Variants in PRPF40B observed in about 807,000 individuals in gnomAD.
PRPF40B encodes the protein pre-mRNA-processing factor 40 homolog B.
In PRPF40B, 56 loss-of-function variants were observed where a neutral mutation model predicts 124.5. The ratio of observed to expected loss-of-function variants is 0.45; its 90% CI spans 0.36 to 0.56. PRPF40B has a LOEUF of 0.56. Ranked by LOEUF, PRPF40B falls within the 20% of genes least tolerant of loss-of-function variation. PRPF40B has a pLI of 0.00. For synonymous variants in PRPF40B, 443 were observed against 426.4 expected (o/e 1.04, Z -0.48); for missense variants, 1,053 against 1,169.5 (o/e 0.90, Z 1.45).
At position 49,642,193 on chromosome 12, in the gene PRPF40B, A is replaced by G. The variant is rs772077896; in HGVS notation, c.1885-42A>G. 1.2e-6 allele frequency: 2 copies of G among 1,613,552 alleles called. No individual in the cohort carries two copies. Among genetic ancestry groups the G allele is most frequent in the African/African-American group, 1.3e-5 (1 of 74,972 alleles). ...TATGCCTGAGTGGGACCTGGCATCC[A>G]CCCTCCTGGGTGACCCTGTTCCGTG... On this transcript the variant is annotated intron_variant, in intron 19 of 25. Coordinates refer to ENST00000548825, the MANE Select transcript of PRPF40B (RefSeq NM_001031698.3). This position sits in a 1 kb window ranked among gnomAD's most constrained non-coding sequence, Gnocchi z 5.8.
At position 49,635,108 on chromosome 12, in the gene PRPF40B, T is replaced by A. The variant is rs774008747; in HGVS notation, c.1011T>A (p.Pro337=). 76 of 1,612,592 alleles carry A rather than the reference T, an allele frequency of 4.7e-5. No individual in the cohort carries two copies. The highest frequency in any genetic ancestry group is 6.3e-5 in the Non-Finnish European group (74 of 1,179,734). The change falls in exon 13 of 26, where the codon CCT becomes CCA. Residue 337 remains proline, a synonymous_variant. Transcript: ENST00000548825. The surrounding 1 kb of genome is among the most constrained non-coding windows in gnomAD (Gnocchi z 4.1). ...CTACCCTCTATCCCAGTGCCTTGCC[T>A]AAACTGAGTGAGAAAAAGCAGGCAT... ...VVTDPRYSAL[P]KLSEKKQAFN...
Position 49,643,673 on chromosome 12 carries a change from G to A in PRPF40B, c.2381-18G>A, listed in dbSNP as rs1038166498. The A allele has an allele frequency of 6.2e-7, 1 of 1,611,292 alleles. No individual in the cohort carries two copies. The highest frequency in any genetic ancestry group is 8.5e-7 in the Non-Finnish European group (1 of 1,178,954). On this transcript the variant is annotated intron_variant, in intron 23 of 25. Coordinates refer to ENST00000548825, the MANE Select transcript of PRPF40B (RefSeq NM_001031698.3). ...TCTTTCTCCTGTTGGGACTTAGTAGGGATTTTTCTATCTCTAGATCATGGC... is the reference window on the plus strand; with the variant it reads ...TCTTTCTCCTGTTGGGACTTAGTAGAGATTTTTCTATCTCTAGATCATGGC...
chr12:49,630,111 TAGG>T (rs1458403692), intron 1 of PRPF40B, among the ~76,000 whole-genome samples: 5 of 152,034 alleles, frequency 3.3e-5, no homozygotes, highest in African/African-American at 1.2e-4. Context: ...CTGGGATAAT[TAGG>T]GGAACTAGAA....
At chr12:49,640,028 A>G (rs567204895) in intron 18 of PRPF40B, 1 of 152,122 alleles carries the variant, frequency 6.6e-6, no homozygotes, top group Non-Finnish European at 1.5e-5. Flanking sequence ...TCTCCACACA[A>G]CCTGAGAAAG....
chr12:49,630,400 G>A lies in PRPF40B; in HGVS notation c.4-145G>A. 1.3e-5 allele frequency: 9 copies of A among 690,246 alleles called. No homozygotes were observed. The South Asian group carries it at 1.4e-4, about 10-fold the overall frequency. 42.8% of individuals were successfully genotyped at this position (690,246 alleles called of 1,614,324 possible). On this transcript the variant is annotated intron_variant, in intron 1 of 25. Coordinates refer to ENST00000548825, the MANE Select transcript of PRPF40B (RefSeq NM_001031698.3). ...AGAGAGCAAACCTACCAAGGGCTAA[G>A]GGCTTGGGGTGGGCAGGAAATCGGG...
chr12:49,636,058 G>A, intron 15 of PRPF40B, 65 bp downstream of exon 15: 18 of 1,590,672 alleles, frequency 1.1e-5, no homozygotes, highest in Non-Finnish European at 1.5e-5. Flanking sequence ...GGACCCCAGA[G>A]TCTGCCTCAC....
Position 49,631,516 on chromosome 12 carries a change from C to A in PRPF40B, c.200C>A (p.Pro67Gln). The A allele has an allele frequency of 6.4e-7, 1 of 1,550,514 alleles. No homozygotes were observed. Among genetic ancestry groups the A allele is most frequent in the Non-Finnish European group, 8.7e-7 (1 of 1,155,112 alleles). The part of the protein sequence containing the change: ...PPGILPPMLP[P>Q]MGAPPPLTQI... ...GGCATCCTGCCCCCAATGCTTCCAC[C>A]AATGGGGGCGCCACCACCACTCACA... The change falls in exon 3 of 26, where the codon CCA (proline) becomes CAA (glutamine). Residue 67 changes from proline (P) to glutamine (Q), a missense_variant. Pro to Gln is a moderately conservative substitution (Grantham distance 76). Coordinates refer to ENST00000548825, the MANE Select transcript of PRPF40B (RefSeq NM_001031698.3). The surrounding 1 kb of genome is among the most constrained non-coding windows in gnomAD (Gnocchi z 4.3).
chr12:49,643,158 C>T (rs1032528815), intron 22 of PRPF40B, 65 bp from the exon 23 acceptor site: 10 of 1,598,428 alleles, frequency 6.3e-6, no homozygotes, highest in Admixed American at 1.7e-5. Context: ...CTCTCGAATT[C>T]CCAGACGAGG....
At position 49,642,066 on chromosome 12, in the gene PRPF40B, T is replaced by G; in HGVS notation, c.1884+42T>G. On this transcript the variant is annotated intron_variant, in intron 19 of 25. Transcript: ENST00000548825. The surrounding 1 kb of genome is among the most constrained non-coding windows in gnomAD (Gnocchi z 5.8). Reference sequence around the variant, plus strand: ...GGCGTGGGAAGTTCTCTAATTCATCTGTGTCTTGCTCCATTCCTTCTCACT... The same window carrying G: ...GGCGTGGGAAGTTCTCTAATTCATCGGTGTCTTGCTCCATTCCTTCTCACT... 1 of 1,606,222 alleles carries G rather than the reference T, an allele frequency of 6.2e-7. No individual in the cohort carries two copies. Among genetic ancestry groups the G allele is most frequent in the East Asian group, 2.2e-5 (1 of 44,834 alleles).
Position 49,631,479 on chromosome 12 carries a change from C to G in PRPF40B, c.163C>G (p.Pro55Ala), listed in dbSNP as rs753575936. The G allele has an allele frequency of 2.1e-5, 32 of 1,535,812 alleles. No individual in the cohort carries two copies. Among genetic ancestry groups the G allele is most frequent in the Non-Finnish European group, 2.7e-5 (31 of 1,146,948 alleles). Residue 55 changes from proline (P) to alanine (A), a missense_variant, in exon 3 of 26, where the codon CCC (proline) becomes GCC (alanine). Pro to Ala is a conservative substitution (Grantham distance 27). Transcript: ENST00000548825. This position sits in a 1 kb window ranked among gnomAD's most constrained non-coding sequence, Gnocchi z 4.3. ...GAGTCAGAGACCACCAGCTATCCCC[C>G]CCATGCCACCTGGCATCCTGCCCCC... ...PMSQRPPAIPPMPPGILPPML... is the reference protein window; with the variant it reads ...PMSQRPPAIPAMPPGILPPML...
rs1202850495 is a variant in PRPF40B at position 49,630,639 on chromosome 12, C to T, written c.84+14C>T. On this transcript the variant is annotated intron_variant, in intron 2 of 25. Coordinates refer to ENST00000548825, the MANE Select transcript of PRPF40B (RefSeq NM_001031698.3). ...CCACCACCCTTCGTAAGTTTTATGTCTTTCCCTGGGCTTGGCTTTTCCAGC... is the reference window on the plus strand; with the variant it reads ...CCACCACCCTTCGTAAGTTTTATGTTTTTCCCTGGGCTTGGCTTTTCCAGC... The T allele has an allele frequency of 1.6e-6, 2 of 1,260,520 alleles. No homozygotes were observed. The highest frequency in any genetic ancestry group is 2.4e-5 in the South Asian group (2 of 82,638). The allele number at this position is 1,260,520 out of a possible 1,614,324, so 78.1% of individuals were successfully genotyped here.
rs1278522126 is a variant in PRPF40B at position 49,626,452 on chromosome 12, A to T, written c.3+2859A>T. 4.6e-5 allele frequency among the ~76,000 whole-genome samples: 7 copies of T among 152,156 alleles called. No individual in the cohort carries two copies. The East Asian group carries it at 1.3e-3, about 29-fold the overall frequency. On this transcript the variant is annotated intron_variant, in intron 1 of 25. Coordinates refer to ENST00000548825, the MANE Select transcript of PRPF40B (RefSeq NM_001031698.3). ...GTAGTGCATCATTTATCCTGAAGGG[A>T]CACAGGTAGGAGTGTGTGTATGTGT...
In PRPF40B at chr12:49,635,917, C is replaced by T. The variant is rs748904470; in HGVS notation, c.1350C>T (p.Asn450=). Reference sequence around the variant, plus strand: ...TCCTGGATGGGATGAGTAGTGTCAACTTCCAAACCACGTGGTCCCAGGCCC... The same window carrying T: ...TCCTGGATGGGATGAGTAGTGTCAATTTCCAAACCACGTGGTCCCAGGCCC... ...KSILDGMSSV[N]FQTTWSQAQQ... The change falls in exon 15 of 26, where the codon AAC becomes AAT. Residue 450 remains asparagine, a synonymous_variant. Transcript: ENST00000548825. The surrounding 1 kb of genome is among the most constrained non-coding windows in gnomAD (Gnocchi z 4.1). 8.6e-5 allele frequency: 139 copies of T among 1,614,046 alleles called. No individual in the cohort carries two copies. The South Asian group carries it at 1.5e-3, about 17-fold the overall frequency.
intron 18 of PRPF40B, 28 bp from the exon 19 acceptor site, chr12:49,641,880 C>G: frequency 6.2e-7 from 1 of 1,602,250 alleles, no homozygotes; most frequent in Non-Finnish European, 8.5e-7. Flanking sequence ...ACGTGGTGCC[C>G]CTGCTTCATG....
At chr12:49,636,873 T>A (rs771169576) in intron 16 of PRPF40B, 24 bp downstream of exon 16, 3 of 1,612,762 alleles carry the variant, frequency 1.9e-6, no homozygotes, top group South Asian at 2.2e-5. Flanking sequence ...CCTTTCTAGA[T>A]CAGAGCTCAG....
In PRPF40B at chr12:49,636,782, A is replaced by G. The variant is rs761025843; in HGVS notation, c.1493A>G (p.Glu498Gly). The G allele has an allele frequency of 6.2e-7, 1 of 1,614,220 alleles. No homozygotes were observed. Among genetic ancestry groups the G allele is most frequent in the Non-Finnish European group, 8.5e-7 (1 of 1,180,030 alleles). The change falls in exon 16 of 26, where the codon GAG becomes GGG. Residue 498 changes from glutamate (E) to glycine (G), a missense_variant. By Grantham distance (98) the Glu-to-Gly change is moderately conservative (BLOSUM62 -2). This residue lies in a region of PRPF40B where 895 missense variants were observed against 1,052.2 expected (regional missense o/e 0.85). Coordinates refer to ENST00000548825, the MANE Select transcript of PRPF40B (RefSeq NM_001031698.3). ...ATCCGAGCTTTGGAGAGGGAAGAGG[A>G]GGAGGAACGGGAGCGGGCCCGGCTT... ...EHIRALEREE[E>G]EERERARLRE...
In PRPF40B at chr12:49,637,465, C is replaced by G. The variant is rs756016041; in HGVS notation, c.1561-5C>G. 1 of 1,611,030 alleles carries G rather than the reference C, an allele frequency of 6.2e-7. No homozygotes were observed. The highest frequency in any genetic ancestry group is 2.2e-5 in the East Asian group (1 of 44,866). ...TCTCCCTATAACTGGCCTCTCCCTGCTCAGACCTTCCTGGACGAGCTGCAT... is the reference window on the plus strand; with the variant it reads ...TCTCCCTATAACTGGCCTCTCCCTGGTCAGACCTTCCTGGACGAGCTGCAT... On this transcript the variant is annotated splice_polypyrimidine_tract_variant and splice_region_variant and intron_variant, in intron 16 of 25. Transcript: ENST00000548825.
chr12:49,623,404 G>T, upstream of PRPF40B: 1 of 380,344 alleles, frequency 2.6e-6, no homozygotes. Context: ...CGTGCCGGGG[G>T]GGCGGGGCCG....
At chr12:49,626,808 A>G in intron 1 of PRPF40B, among the ~76,000 whole-genome samples, 1 of 152,082 alleles carries the variant, frequency 6.6e-6, no homozygotes, top group East Asian at 1.9e-4. Flanking sequence ...TTCATGTGGT[A>G]GGAGCTTTGC....
Sources: gnomAD v4.1 joint callset for allele counts (sites outside exome capture counted in the v4.1 genomes callset) on GRCh38, gnomAD v4.1.1 for gene constraint, gnomAD v4.1.1 regional missense constraint, Gnocchi (gnomAD v3.1) non-coding constraint, MANE v1.5 for transcripts, NCBI Gene and HGNC (gene_info 2026-07-23, HGNC 2026-07-21) for gene names.